The following SYTL2 variants were observed in gnomAD, a reference collection of about 807,000 sequenced individuals.
The protein encoded by SYTL2 is synaptotagmin like 2.
Under a neutral mutation model 198.7 loss-of-function variants are expected in SYTL2, and 165 were observed. The observed-to-expected ratio is 0.83, with a 90% CI of 0.73 to 0.94. The LOEUF is 0.94. SYTL2 is among the 40% of genes least tolerant of loss of function. The pLI is 0.00. For missense variants in SYTL2, 2,835 were observed against 2,582.8 expected (o/e 1.10, Z -2.12); for synonymous variants, 966 against 917.7 (o/e 1.05, Z -0.95).
At chr11:85,805,699 C>T (rs2092949972) in intron 1 of SYTL2, among the ~76,000 whole-genome samples, 1 of 152,224 alleles carries the variant, frequency 6.6e-6, no homozygotes, top group South Asian at 2.1e-4. Context: ...TACAGTAAAA[C>T]AATGCTTCTG....
chr11:85,731,659 G>C (rs187334466), intron 7 of SYTL2, among the ~76,000 whole-genome samples: 1 of 152,238 alleles, frequency 6.6e-6, no homozygotes, highest in East Asian at 1.9e-4. Flanking sequence ...ATACCACTCA[G>C]GACATAGGCA....
rs780422028 is a variant in SYTL2 at position 85,726,625 on chromosome 11, T to C, written c.2733A>G (p.Ile911Met). ...AACTGTCTGCCACTTGTGATCTTTT[T>C]ATAGGCTCATTTTTCTTATTCTGAA... ...SLFQNKKNEP[I>M]KRSQVADSLP... The change falls in exon 8 of 20, where the codon ATA becomes ATG. Residue 911 changes from isoleucine to methionine, a missense_variant. This residue lies in a region of SYTL2 where 2,645 missense variants were observed against 2,381.7 expected (regional missense o/e 1.11). Transcript: ENST00000359152. 4.5e-6 allele frequency: 7 copies of C among 1,541,204 alleles called. No homozygotes were observed. Among genetic ancestry groups the C allele is most frequent in the Admixed American group, 3.9e-5 (2 of 51,250 alleles).
chr11:85,832,828 CAAA>C, the SYTL2 span, among the ~76,000 whole-genome samples: 2 of 137,630 alleles, frequency 1.5e-5, no homozygotes, highest in Non-Finnish European at 3.2e-5. Context: ...CTTGTATCTA[CAAA>C]AAAAAAAAAT....
the SYTL2 span, among the ~76,000 whole-genome samples, chr11:85,834,614 G>A: frequency 1.3e-5 from 2 of 152,074 alleles, no homozygotes; most frequent in African/African-American, 2.4e-5. Flanking sequence ...TAGATTACAT[G>A]AGATACTCAA....
At chr11:85,830,625 A>G in the SYTL2 span, among the ~76,000 whole-genome samples, 1 of 152,152 alleles carries the variant, frequency 6.6e-6, no homozygotes, top group South Asian at 2.1e-4. Context: ...GGAGAAAGGG[A>G]CAGATGCCCC....
At chr11:85,749,018 A>C (rs923564699) in intron 2 of SYTL2, among the ~76,000 whole-genome samples, 1 of 152,156 alleles carries the variant, frequency 6.6e-6, no homozygotes, top group Non-Finnish European at 1.5e-5. Flanking sequence ...AGGGAAAGGC[A>C]TCTTTAAAAG....
At chr11:85,772,894 G>GC (rs2092383347) in intron 1 of SYTL2, among the ~76,000 whole-genome samples, 1 of 152,170 alleles carries the variant, frequency 6.6e-6, no homozygotes, top group East Asian at 1.9e-4. Context: ...GCTAGTGATG[G>GC]CCTTTCCTTT....
In SYTL2 at chr11:85,724,151, A is replaced by G; in HGVS notation, c.5207T>C (p.Leu1736Ser). 4 of 1,603,716 alleles carry G rather than the reference A, an allele frequency of 2.5e-6. No individual in the cohort carries two copies. Among genetic ancestry groups the G allele is most frequent in the Non-Finnish European group, 3.4e-6 (4 of 1,177,582 alleles). ...ENSTKTSKVE[L>S]TLASPYMKQE... ...TTTCATATATGGCGATGCTAGAGTC[A>G]ATTCAACTTTACTTGTTTTTGTAGA... Residue 1736 changes from leucine (L) to serine (S), a missense_variant, in exon 8 of 20, where the codon TTG becomes TCG. Physicochemically the swap from Leu to Ser is moderately radical, Grantham distance 145. Coordinates refer to ENST00000359152, the MANE Select transcript of SYTL2 (RefSeq NM_206927.4).
At chr11:85,801,794 G>A (rs1467977436) in intron 1 of SYTL2, among the ~76,000 whole-genome samples, 3 of 150,984 alleles carry the variant, frequency 2.0e-5, no homozygotes, top group Admixed American at 6.6e-5. Context: ...CCTGTCCTGT[G>A]TGCCAACTCA....
intron 9 of SYTL2, chr11:85,719,365 G>A: frequency 9.0e-7 from 1 of 1,115,674 alleles, no homozygotes; most frequent in Non-Finnish European, 1.1e-6. Flanking sequence ...GTATTTGGAA[G>A]GGAGCGTGCA....
chr11:85,793,446 G>C (rs982479306), intron 1 of SYTL2, among the ~76,000 whole-genome samples: 1 of 152,056 alleles, frequency 6.6e-6, no homozygotes, highest in Non-Finnish European at 1.5e-5. Context: ...ATACCTTTAA[G>C]GAAGGAAATA....
At chr11:85,739,104 G>A (rs911837636) in intron 4 of SYTL2, among the ~76,000 whole-genome samples, 22 of 152,158 alleles carry the variant, frequency 1.4e-4, no homozygotes, top group African/African-American at 5.3e-4. Context: ...AGTAAAGTGG[G>A]AGATCCCTCA....
intron 1 of SYTL2, among the ~76,000 whole-genome samples, chr11:85,774,594 G>C (rs1337324703): frequency 8.2e-6 from 1 of 121,500 alleles, no homozygotes; most frequent in African/African-American, 2.6e-5. Context: ...TGTGAAATGA[G>C]ACCAGTTAAA....
chr11:85,774,913 CTT>C (rs1371707567), intron 1 of SYTL2, among the ~76,000 whole-genome samples: 1 of 152,094 alleles, frequency 6.6e-6, no homozygotes, highest in African/African-American at 2.4e-5. Context: ...AACTGAAACT[CTT>C]TGTTTCACTC....
chr11:85,773,180 C>A (rs2092389218), intron 1 of SYTL2, among the ~76,000 whole-genome samples: 1 of 152,170 alleles, frequency 6.6e-6, no homozygotes, highest in Non-Finnish European at 1.5e-5. Context: ...TCAGTTCTGA[C>A]CTCTAAGGTC....
intron 1 of SYTL2, among the ~76,000 whole-genome samples, chr11:85,774,857 T>C (rs2092423777): frequency 1.3e-5 from 2 of 152,204 alleles, no homozygotes; most frequent in South Asian, 4.1e-4. Flanking sequence ...GTGCCCTGCC[T>C]AGAGCAGTTG....
chr11:85,756,963 G>C (rs1438990451), intron 2 of SYTL2, among the ~76,000 whole-genome samples: 1 of 152,186 alleles, frequency 6.6e-6, no homozygotes, highest in Non-Finnish European at 1.5e-5. Flanking sequence ...GCAGTAAATG[G>C]CAGGGCCTGG....
At chr11:85,824,224 T>G in the SYTL2 span, among the ~76,000 whole-genome samples, 1 of 151,892 alleles carries the variant, frequency 6.6e-6, no homozygotes, top group African/African-American at 2.4e-5. Context: ...GGAAGAAGAT[T>G]GGAGAGGTTA....
chr11:85,746,319 A>G (rs1479751804), intron 3 of SYTL2, among the ~76,000 whole-genome samples: 3 of 152,178 alleles, frequency 2.0e-5, no homozygotes, highest in Non-Finnish European at 1.5e-5. Flanking sequence ...ATCCCAGCTC[A>G]GGTGTCAGAG....
Sources: allele counts gnomAD v4.1 joint callset (sites outside exome capture counted in the v4.1 genomes callset), GRCh38; gene constraint gnomAD v4.1.1; regional missense constraint gnomAD v4.1.1; transcripts MANE v1.5; gene names NCBI Gene and HGNC (gene_info 2026-07-23, HGNC 2026-07-21).